Variants in CNTNAP2 observed in about 807,000 individuals in gnomAD.
The protein encoded by CNTNAP2 is contactin associated protein 2, also known as contactin-associated protein-like 2.
CNTNAP2 carries 98 observed loss-of-function variants against 155.2 expected under a neutral mutation model. That is an observed-to-expected ratio of 0.63 (90% confidence interval 0.54 to 0.75). The LOEUF (loss-of-function observed/expected upper bound fraction) is 0.75. CNTNAP2 is among the 30% of genes least tolerant of loss of function. CNTNAP2 has a pLI of 0.00. For missense variants in CNTNAP2, 1,727 were observed against 1,688.1 expected (o/e 1.02, Z -0.40); for synonymous variants, 651 against 631.2 (o/e 1.03, Z -0.47).
intron 9 of CNTNAP2, among the ~76,000 whole-genome samples, chr7:147,341,174 G>A (rs1279126504): frequency 6.6e-6 from 1 of 151,612 alleles, no homozygotes; most frequent in Non-Finnish European, 1.5e-5. Context: ...TGTAAAAATT[G>A]TATGTAGACA....
chr7:147,269,931 G>A (rs980973352), intron 8 of CNTNAP2, among the ~76,000 whole-genome samples: 22 of 152,032 alleles, frequency 1.4e-4, no homozygotes, highest in Admixed American at 5.2e-4. Flanking sequence ...GTTTCGTGGC[G>A]TGCTCCTATA....
chr7:147,520,440 G>T (rs890744427), intron 11 of CNTNAP2, among the ~76,000 whole-genome samples: 3 of 152,158 alleles, frequency 2.0e-5, no homozygotes, highest in Admixed American at 6.5e-5. Flanking sequence ...ATGCTTTCAA[G>T]GAAGCTCTAA....
chr7:147,313,603 T>A (rs1795166060), intron 9 of CNTNAP2, among the ~76,000 whole-genome samples: 1 of 150,868 alleles, frequency 6.6e-6, no homozygotes, highest in African/African-American at 2.5e-5. Context: ...GAGGGCTCTG[T>A]TCTGTTCCAT....
chr7:147,452,969 AAGG>A (rs1485644805), intron 10 of CNTNAP2, among the ~76,000 whole-genome samples: 2 of 151,704 alleles, frequency 1.3e-5, no homozygotes, highest in African/African-American at 4.8e-5. Context: ...GGGGGAAGGA[AAGG>A]AGGAAGGGAA....
At chr7:146,415,305 C>A (rs1795923305) in intron 1 of CNTNAP2, among the ~76,000 whole-genome samples, 1 of 152,050 alleles carries the variant, frequency 6.6e-6, no homozygotes, top group Admixed American at 6.6e-5. Flanking sequence ...AAAATGAATA[C>A]TTTTTATTTG....
intron 11 of CNTNAP2, among the ~76,000 whole-genome samples, chr7:147,543,398 T>G (rs1055716461): frequency 1.3e-5 from 2 of 152,366 alleles, no homozygotes; most frequent in Admixed American, 6.5e-5. Context: ...TATGAACATG[T>G]TACAGTGCTG....
intron 10 of CNTNAP2, among the ~76,000 whole-genome samples, chr7:147,476,129 G>A (rs916484416): frequency 1.2e-4 from 18 of 150,404 alleles, no homozygotes; most frequent in Admixed American, 8.0e-4. Context: ...ATTTTGAGAC[G>A]GAGTCTCGCT....
At chr7:146,848,317 A>G (rs1794802172) in intron 3 of CNTNAP2, among the ~76,000 whole-genome samples, 1 of 152,198 alleles carries the variant, frequency 6.6e-6, no homozygotes, top group African/African-American at 2.4e-5. Context: ...ACTGGAATTT[A>G]CAGTGCAAAT....
At chr7:148,092,906 C>G (rs886472703) in intron 15 of CNTNAP2, among the ~76,000 whole-genome samples, 1 of 144,786 alleles carries the variant, frequency 6.9e-6, no homozygotes, top group Admixed American at 6.9e-5. Context: ...AAAACAACCA[C>G]AAAGCTTTGG....
At chr7:147,867,260 A>G (rs540244949) in intron 13 of CNTNAP2, among the ~76,000 whole-genome samples, 1 of 152,138 alleles carries the variant, frequency 6.6e-6, no homozygotes, top group Non-Finnish European at 1.5e-5. Flanking sequence ...TTTCTTTAAG[A>G]ACGTTGAATA....
chr7:147,175,021 G>C (rs1278462236), intron 8 of CNTNAP2, among the ~76,000 whole-genome samples: 1 of 151,998 alleles, frequency 6.6e-6, no homozygotes, highest in Non-Finnish European at 1.5e-5. Context: ...ATTATTAATG[G>C]GGTAAATTTC....
chr7:146,858,003 T>G (rs778342018), intron 3 of CNTNAP2, among the ~76,000 whole-genome samples: 4 of 152,094 alleles, frequency 2.6e-5, no homozygotes, highest in Admixed American at 1.3e-4. Flanking sequence ...TCAGAATAAG[T>G]TTGAAAGTGG....
intron 17 of CNTNAP2, among the ~76,000 whole-genome samples, chr7:148,162,994 G>A (rs1805579205): frequency 6.6e-6 from 1 of 152,102 alleles, no homozygotes. Flanking sequence ...GCAAAACTGT[G>A]CCAAAAAAAA....
At chr7:146,394,832 G>A (rs1393649359) in intron 1 of CNTNAP2, among the ~76,000 whole-genome samples, 1 of 152,006 alleles carries the variant, frequency 6.6e-6, no homozygotes, top group Admixed American at 6.6e-5. Context: ...TGGGCTTTTA[G>A]TATAACCATT....
At chr7:146,372,751 G>A (rs573820852) in intron 1 of CNTNAP2, among the ~76,000 whole-genome samples, 1 of 152,218 alleles carries the variant, frequency 6.6e-6, no homozygotes, top group African/African-American at 2.4e-5. Flanking sequence ...ATTCTCCACA[G>A]GAGTTCAGCT....
chr7:147,316,573 CA>C (rs1221311332), intron 9 of CNTNAP2, among the ~76,000 whole-genome samples: 1 of 152,088 alleles, frequency 6.6e-6, no homozygotes, highest in Admixed American at 6.5e-5. Context: ...GGTTAGCCCT[CA>C]ATCACTTATT....
chr7:148,032,771 G>C (rs1276234301), intron 15 of CNTNAP2, among the ~76,000 whole-genome samples: 1 of 152,190 alleles, frequency 6.6e-6, no homozygotes, highest in Non-Finnish European at 1.5e-5. Flanking sequence ...CGCGAAGGCT[G>C]CTTGCCAGTT....
chr7:148,118,237 G>A lies in CNTNAP2; in HGVS notation c.2503G>A (p.Val835Met). The change falls in exon 16 of 24, where the codon GTG (valine) becomes ATG (methionine). Residue 835 changes from valine (V) to methionine (M), a missense_variant. Transcript: ENST00000361727. ...CTTCAAAACATTAACCCCCTGGGGA[G>A]TGTTTCTTGAAAATATGGGAAAGGA... The part of the protein sequence containing the change: ...FYFKTLTPWG[V>M]FLENMGKEDF... 6.2e-7 allele frequency: 1 copy of A among 1,614,192 alleles called. No individual in the cohort carries two copies. The highest frequency in any genetic ancestry group is 8.5e-7 in the Non-Finnish European group (1 of 1,180,020).
chr7:147,389,557 TCA>T (rs1382136515), intron 9 of CNTNAP2, among the ~76,000 whole-genome samples: 1 of 152,226 alleles, frequency 6.6e-6, no homozygotes, highest in Non-Finnish European at 1.5e-5. Flanking sequence ...GTTTTCTTTG[TCA>T]GCAAGAATAG....
Sources: gnomAD v4.1 joint callset for allele counts (sites outside exome capture counted in the v4.1 genomes callset) on GRCh38, gnomAD v4.1.1 for gene constraint, MANE v1.5 for transcripts, NCBI Gene and HGNC (gene_info 2026-07-23, HGNC 2026-07-21) for gene names.